The following DCP1A variants were observed in gnomAD, a reference collection of about 807,000 sequenced individuals.
The protein encoded by DCP1A is mRNA-decapping enzyme 1A.
DCP1A carries 20 observed loss-of-function variants against 58.0 expected under a neutral mutation model. The ratio of observed to expected loss-of-function variants is 0.34; its 90% CI spans 0.24 to 0.50. DCP1A has a LOEUF of 0.50. Among genes scored for constraint, DCP1A ranks in the 20% least tolerant of loss-of-function variants. DCP1A has a pLI of 0.98. For synonymous variants in DCP1A, 285 were observed against 275.1 expected (o/e 1.04, Z -0.36); for missense variants, 613 against 712.2 (o/e 0.86, Z 1.59).
At chr3:53,297,592 C>T (rs1359530822) in intron 6 of DCP1A, among the ~76,000 whole-genome samples, 21 of 152,102 alleles carry the variant, frequency 1.4e-4, no homozygotes, top group African/African-American at 4.6e-4. Flanking sequence ...AACTTCTGAC[C>T]TCAGGTGATC....
chr3:53,312,155 C>T (rs1707664011), intron 5 of DCP1A, 86 bp downstream of exon 5: 2 of 1,434,150 alleles, frequency 1.4e-6, no homozygotes, highest in East Asian at 2.4e-5. Context: ...TGGAGGCCAG[C>T]TTCCCTAGTA....
Position 53,283,788 on chromosome 3 carries a change from A to G in DCP1A, c.*3792T>C, listed in dbSNP as rs1288043219. ...AATCACACAGATAAAAAGGAAACACAATTCTGCATTTTCCCCACTTTGAAG... is the reference window on the plus strand; with the variant it reads ...AATCACACAGATAAAAAGGAAACACGATTCTGCATTTTCCCCACTTTGAAG... On this transcript the variant is annotated 3_prime_UTR_variant, in exon 10 of 10. Coordinates refer to ENST00000610213, the MANE Select transcript of DCP1A (RefSeq NM_018403.7). 1.3e-5 allele frequency: 2 copies of G among 152,238 alleles called. No individual in the cohort carries two copies. The highest frequency in any genetic ancestry group is 2.9e-5 in the Non-Finnish European group (2 of 68,036). 9.4% of individuals were successfully genotyped at this position (152,238 alleles called of 1,614,324 possible).
At chr3:53,321,827 T>C (rs528001792) in intron 3 of DCP1A, among the ~76,000 whole-genome samples, 2 of 152,328 alleles carry the variant, frequency 1.3e-5, no homozygotes, top group African/African-American at 4.8e-5. Context: ...TGAAATAACA[T>C]TACAATTTTT....
At chr3:53,291,163 A>C (rs1298516400) in intron 7 of DCP1A, among the ~76,000 whole-genome samples, 3 of 151,764 alleles carry the variant, frequency 2.0e-5, no homozygotes, top group Admixed American at 6.6e-5. Flanking sequence ...TCTCTTATAA[A>C]AGCCAGAGAC....
chr3:53,318,992 C>G (rs1415448533), intron 4 of DCP1A, among the ~76,000 whole-genome samples: 20 of 152,288 alleles, frequency 1.3e-4, no homozygotes, highest in African/African-American at 4.8e-4. Context: ...CAGCCTTAAC[C>G]TACAGGTCCA....
intron 4 of DCP1A, among the ~76,000 whole-genome samples, chr3:53,313,866 G>A (rs558728516): frequency 3.3e-5 from 5 of 151,512 alleles, no homozygotes; most frequent in Admixed American, 1.3e-4. Flanking sequence ...ATATTAAACC[G>A]ACTTAAAAAA....
At chr3:53,335,452 T>G (rs1380050998) in intron 3 of DCP1A, among the ~76,000 whole-genome samples, 6 of 152,222 alleles carry the variant, frequency 3.9e-5, no homozygotes, top group African/African-American at 1.4e-4. Context: ...AATATTTCTA[T>G]GTTTTATGCT....
chr3:53,333,359 T>C (rs1321584299), intron 3 of DCP1A, among the ~76,000 whole-genome samples: 1 of 152,052 alleles, frequency 6.6e-6, no homozygotes, highest in Admixed American at 6.6e-5. Context: ...TTGGGCAGGC[T>C]GGTCTTGAAC....
intron 4 of DCP1A, among the ~76,000 whole-genome samples, chr3:53,315,816 C>T (rs782457198): frequency 3.0e-5 from 4 of 131,582 alleles, no homozygotes; most frequent in South Asian, 2.5e-4. Flanking sequence ...TGCAGTGGCA[C>T]GATCTTGGCT....
At chr3:53,313,157 A>C (rs1358940184) in intron 4 of DCP1A, among the ~76,000 whole-genome samples, 1 of 152,208 alleles carries the variant, frequency 6.6e-6, no homozygotes, top group African/African-American at 2.4e-5. Context: ...TGAATCCTTA[A>C]AAGTTAGTAA....
intron 3 of DCP1A, among the ~76,000 whole-genome samples, chr3:53,322,115 C>CA (rs1707984574): frequency 6.6e-6 from 1 of 151,980 alleles, no homozygotes; most frequent in Non-Finnish European, 1.5e-5. Context: ...CTGAATTAAG[C>CA]CCATTATTCC....
chr3:53,283,726 A>G lies in DCP1A; in HGVS notation c.*3854T>C, dbSNP rs1706518516. On this transcript the variant is annotated 3_prime_UTR_variant, in exon 10 of 10. Coordinates refer to ENST00000610213, the MANE Select transcript of DCP1A (RefSeq NM_018403.7). Reference sequence around the variant, plus strand: ...AAGCAGTAATACAGAATAAAAAACCATTTAGAACACATATTTTAAAAACAT... The same window carrying G: ...AAGCAGTAATACAGAATAAAAAACCGTTTAGAACACATATTTTAAAAACAT... 6.6e-6 allele frequency: 1 copy of G among 152,270 alleles called. No homozygotes were observed. The highest frequency in any genetic ancestry group is 1.5e-5 in the Non-Finnish European group (1 of 68,048). The allele number at this position is 152,270 out of a possible 1,614,324, so 9.4% of individuals were successfully genotyped here.
At position 53,347,456 on chromosome 3, in the gene DCP1A, G is replaced by A; in HGVS notation, c.62C>T (p.Pro21Leu). ...GAGGTCTGCGATGCTGGTGATATAG[G>A]GGTCGTGTTGCTTCAGGGCCGCTAG... ...MSLAALKQHDPYITSIADLTG... is the reference protein window; with the variant it reads ...MSLAALKQHDLYITSIADLTG... Residue 21 changes from proline to leucine, a missense_variant, in exon 1 of 10, where the codon CCC becomes CTC. Around this residue, in one of 3 missense-constraint regions of DCP1A, gnomAD observed 50 missense variants for 37.0 expected, o/e 1.35. Transcript: ENST00000610213. 6.2e-7 allele frequency: 1 copy of A among 1,613,688 alleles called. No individual in the cohort carries two copies. The highest frequency in any genetic ancestry group is 8.5e-7 in the Non-Finnish European group (1 of 1,179,718).
At chr3:53,299,169 A>G (rs913582172) in intron 6 of DCP1A, among the ~76,000 whole-genome samples, 16 of 152,344 alleles carry the variant, frequency 1.1e-4, no homozygotes, top group African/African-American at 3.8e-4. Flanking sequence ...GGTGAGCAGA[A>G]TATTTCTCTT....
rs183366193 is a variant in DCP1A, at chr3:53,342,996, G to C, written c.177-725C>G. On this transcript the variant is annotated intron_variant, in intron 2 of 9. Transcript: ENST00000610213. The stretch of plus-strand genomic sequence containing the variant: ...TTTACATAGCGCTCCTGAGTTAGAC[G>C]GAAAATGCCTTGAATCCTACAATAG... Among the ~76,000 whole-genome samples the C allele has an allele frequency of 1.6e-4, 24 of 152,248 alleles. No individual in the cohort carries two copies. In the South Asian group the frequency reaches 5.0e-3, roughly 32 times the overall value.
intron 1 of DCP1A, among the ~76,000 whole-genome samples, chr3:53,346,487 A>T (rs2089293044): frequency 6.6e-6 from 1 of 152,210 alleles, no homozygotes; most frequent in Non-Finnish European, 1.5e-5. Context: ...TCAATCCAAC[A>T]AGCATTTACG....
rs782366660 is a variant in DCP1A, at chr3:53,347,347, G to A, written c.135+36C>T. On this transcript the variant is annotated intron_variant, in intron 1 of 9. Coordinates refer to ENST00000610213, the MANE Select transcript of DCP1A (RefSeq NM_018403.7). ...GCGGCCCCTTTAAGAGACGGCAGCG[G>A]CCGGGTGGCCGTCCTCAGGGCCAGG... The A allele has an allele frequency of 6.6e-6, 10 of 1,519,902 alleles. No homozygotes were observed. The African/African-American group carries it at 8.5e-5, about 13-fold the overall frequency. The allele number at this position is 1,519,902 out of a possible 1,614,324, so 94.2% of individuals were successfully genotyped here.
rs1706676080 is a variant in DCP1A, at chr3:53,287,351, T to G, written c.*229A>C. The G allele has an allele frequency of 3.7e-6, 1 of 272,566 alleles. No individual in the cohort carries two copies. Among genetic ancestry groups the G allele is most frequent in the African/African-American group, 2.3e-5 (1 of 43,686 alleles). 16.9% of individuals were successfully genotyped at this position (272,566 alleles called of 1,614,324 possible). ...ACACAATGATCGCTCTCTTTTTTTTTTTTTTTTTTTTTTTTTTTGTCAAAA... is the reference window on the plus strand; with the variant it reads ...ACACAATGATCGCTCTCTTTTTTTTGTTTTTTTTTTTTTTTTTTGTCAAAA... On this transcript the variant is annotated 3_prime_UTR_variant, in exon 10 of 10. Coordinates refer to ENST00000610213, the MANE Select transcript of DCP1A (RefSeq NM_018403.7).
At chr3:53,320,952 T>C (rs1163450037) in intron 3 of DCP1A, among the ~76,000 whole-genome samples, 1 of 152,374 alleles carries the variant, frequency 6.6e-6, no homozygotes, top group Admixed American at 6.5e-5. Flanking sequence ...ACTGACTTCA[T>C]GGAAGGGAGA....
Sources: gnomAD v4.1 joint callset for allele counts (sites outside exome capture counted in the v4.1 genomes callset) on GRCh38, gnomAD v4.1.1 for gene constraint, gnomAD v4.1.1 regional missense constraint, MANE v1.5 for transcripts, NCBI Gene and HGNC (gene_info 2026-07-23, HGNC 2026-07-21) for gene names.